Variants in SLC14A2 observed in about 807,000 individuals in gnomAD.
SLC14A2 encodes the protein solute carrier family 14 member 2.
SLC14A2 carries 91 observed loss-of-function variants against 104.6 expected under a neutral mutation model. That is an observed-to-expected ratio of 0.87 (90% CI 0.73 to 1.04). SLC14A2 has a LOEUF of 1.04. SLC14A2 is among the 50% of genes least tolerant of loss of function. The pLI is 0.00. For synonymous variants in SLC14A2, 476 were observed against 466.4 expected (o/e 1.02, Z -0.27); for missense variants, 1,189 against 1,156.0 (o/e 1.03, Z -0.41).
intron 2 of SLC14A2, among the ~76,000 whole-genome samples, chr18:45,531,365 T>A (rs1242998905): frequency 1.3e-5 from 2 of 152,152 alleles, no homozygotes; most frequent in African/African-American, 4.8e-5. Context: ...GCACCTGTTG[T>A]TTCCTGACTT....
intron 2 of SLC14A2, among the ~76,000 whole-genome samples, chr18:45,484,462 G>T (rs2087558673): frequency 6.6e-6 from 1 of 152,176 alleles, no homozygotes; most frequent in Non-Finnish European, 1.5e-5. Flanking sequence ...ACTTTTACTG[G>T]CATTCATATA....
intron 1 of SLC14A2, among the ~76,000 whole-genome samples, chr18:45,227,440 A>G (rs1409237752): frequency 3.9e-5 from 6 of 152,220 alleles, no homozygotes; most frequent in Non-Finnish European, 5.9e-5. Context: ...AAGGCTGGGA[A>G]GTCCAAGATC....
At position 45,669,318 on chromosome 18, in the gene SLC14A2, C is replaced by T; in HGVS notation, c.2049C>T (p.Ser683=). Residue 683 remains serine, a synonymous_variant, in exon 16 of 20, where the codon TCC becomes TCT. Transcript: ENST00000255226. ...CTTCTGCCATCAGCCCCATCCTCTC[C>T]AGTGCCCTGGGTACCATCTTCAGCA... ...IIMSMSCPIL[S]SALGTIFSKW... is the part of the protein sequence containing the mutation. 1.2e-6 allele frequency: 2 copies of T among 1,612,864 alleles called. No homozygotes were observed. The highest frequency in any genetic ancestry group is 1.7e-6 in the Non-Finnish European group (2 of 1,179,250).
At chr18:45,451,292 C>T (rs1031280576) in intron 1 of SLC14A2, among the ~76,000 whole-genome samples, 5 of 151,916 alleles carry the variant, frequency 3.3e-5, no homozygotes, top group African/African-American at 7.3e-5. Context: ...AGGGGGTTCT[C>T]GGGGAGCAAG....
the SLC14A2 span, among the ~76,000 whole-genome samples, chr18:45,202,227 T>C: frequency 1.3e-5 from 2 of 152,100 alleles, no homozygotes; most frequent in African/African-American, 4.8e-5. Flanking sequence ...GTGGTTGCTA[T>C]AGATATAGCA....
At chr18:45,524,366 C>T (rs1215194543) in intron 2 of SLC14A2, among the ~76,000 whole-genome samples, 2 of 152,190 alleles carry the variant, frequency 1.3e-5, no homozygotes, top group African/African-American at 4.8e-5. Flanking sequence ...GCACTGCATT[C>T]AACTCAGCTG....
chr18:45,223,171 G>A (rs2084079842), intron 1 of SLC14A2, among the ~76,000 whole-genome samples: 1 of 152,120 alleles, frequency 6.6e-6, no homozygotes, highest in Non-Finnish European at 1.5e-5. Context: ...TGCTTAGAGA[G>A]GTTCAGTGAC....
intron 1 of SLC14A2, among the ~76,000 whole-genome samples, chr18:45,366,804 A>C (rs1356698366): frequency 1.3e-5 from 2 of 152,260 alleles, no homozygotes; most frequent in African/African-American, 2.4e-5. Flanking sequence ...AAAAGCATTC[A>C]GGCTGCTGAT....
chr18:45,437,349 C>T (rs1342343540), intron 1 of SLC14A2, among the ~76,000 whole-genome samples: 2 of 105,076 alleles, frequency 1.9e-5, no homozygotes, highest in Admixed American at 2.5e-4. Context: ...TGGAAACCAG[C>T]CTCATAGAGA....
intron 1 of SLC14A2, among the ~76,000 whole-genome samples, chr18:45,444,935 C>A (rs763281005): frequency 4.6e-5 from 7 of 152,022 alleles, no homozygotes; most frequent in Non-Finnish European, 8.8e-5. Context: ...GATTTGATAG[C>A]CAGTATCTAA....
rs1478987814 is a variant in SLC14A2, at chr18:45,235,940, CAT to C, written c.-125+22754_-125+22755del. Among the ~76,000 whole-genome samples the C allele has an allele frequency of 3.6e-4, 24 of 66,566 alleles. 3 individuals are homozygous for C. Among genetic ancestry groups the C allele is most frequent in the East Asian group, 2.9e-3 (9 of 3,098 alleles). 43.7% of individuals were successfully genotyped at this position (66,566 alleles called of 152,430 possible). A position where few individuals can be genotyped will look rare whatever the true frequency, so the allele number is the denominator to read the frequency against. On this transcript the variant is annotated intron_variant, in intron 1 of 20. Coordinates refer to the SLC14A2 transcript ENST00000586448. The stretch of plus-strand genomic sequence containing the variant: ...ATATGTGTGTATATATGTATATATA[CAT>C]ATATGTGTGTATATATGTATATATA...
In SLC14A2 at chr18:45,235,796, CGTGT is replaced by C. The variant is rs1171773725; in HGVS notation, c.-125+22620_-125+22623del. On this transcript the variant is annotated intron_variant, in intron 1 of 20. Coordinates refer to the SLC14A2 transcript ENST00000586448. ...TGAGTAGCATTCCAATGTGTATGCG[CGTGT>C]GTGTGTGTGTGTGTATATATATATA... 2.2e-3 allele frequency among the ~76,000 whole-genome samples: 256 copies of C among 113,908 alleles called. 2 individuals are homozygous for C. Among genetic ancestry groups the C allele is most frequent in the East Asian group, 5.9e-3 (25 of 4,260 alleles). The allele number at this position is 113,908 out of a possible 152,430, so 74.7% of individuals were successfully genotyped here.
At position 45,214,931 on chromosome 18, in the gene SLC14A2, A is replaced by G. The variant is rs542709190; in HGVS notation, c.-125+1740A>G. Reference sequence around the variant, plus strand: ...CATGTCTTTAAAAAAAAAAAAAAAAAAAAAGAAAAGAAATAAAAGAAAAAA... The same window carrying G: ...CATGTCTTTAAAAAAAAAAAAAAAAGAAAAGAAAAGAAATAAAAGAAAAAA... On this transcript the variant is annotated intron_variant, in intron 1 of 20. Transcript: ENST00000586448. Among the ~76,000 whole-genome samples the G allele has an allele frequency of 2.0e-3, 297 of 150,478 alleles. 1 individual carries two copies. The highest frequency in any genetic ancestry group is 4.8e-3 in the Admixed American group (73 of 15,160).
intron 1 of SLC14A2, among the ~76,000 whole-genome samples, chr18:45,386,896 T>G (rs564153704): frequency 6.6e-6 from 1 of 152,370 alleles, no homozygotes; most frequent in Non-Finnish European, 1.5e-5. Context: ...ACCAGGCACA[T>G]GGTGAGCACA....
At chr18:45,527,224 G>T (rs192725586) in intron 2 of SLC14A2, among the ~76,000 whole-genome samples, 1 of 152,264 alleles carries the variant, frequency 6.6e-6, no homozygotes, top group African/African-American at 2.4e-5. Flanking sequence ...TGGGATGGCA[G>T]ATTTATCAAG....
chr18:45,667,843 A>C lies in SLC14A2; in HGVS notation c.1728A>C (p.Pro576=). 6.2e-7 allele frequency: 1 copy of C among 1,614,046 alleles called. No individual in the cohort carries two copies. Among genetic ancestry groups the C allele is most frequent in the Non-Finnish European group, 8.5e-7 (1 of 1,179,918 alleles). Residue 576 remains proline (P), a synonymous_variant, in exon 14 of 20, where the codon CCA becomes CCC. Coordinates refer to ENST00000255226, the MANE Select transcript of SLC14A2 (RefSeq NM_007163.4). ...ECGEGLKDKS[P]VFQFFDWVLR... is the part of the protein sequence containing the mutation. ...CCGGTTCCATTTCAGACAAGTCCCC[A>C]GTGTTCCAGTTCTTTGACTGGGTCC...
intron 1 of SLC14A2, among the ~76,000 whole-genome samples, chr18:45,388,162 G>A (rs1222177736): frequency 1.6e-4 from 22 of 138,666 alleles, no homozygotes; most frequent in Admixed American, 8.7e-4. Flanking sequence ...TGCAAGCTCC[G>A]CCTCCTGGGT....
intron 1 of SLC14A2, among the ~76,000 whole-genome samples, chr18:45,467,530 G>T (rs571355256): frequency 6.6e-6 from 1 of 152,248 alleles, no homozygotes; most frequent in African/African-American, 2.4e-5. Context: ...CTCTTCTCAG[G>T]CCAACCCAGC....
chr18:45,476,775 C>T (rs2087389309), intron 1 of SLC14A2, among the ~76,000 whole-genome samples: 2 of 152,160 alleles, frequency 1.3e-5, no homozygotes, highest in Non-Finnish European at 1.5e-5. Flanking sequence ...ATCGATTCGG[C>T]TATTGATACT....
Sources: gnomAD v4.1 joint callset for allele counts (sites outside exome capture counted in the v4.1 genomes callset) on GRCh38, gnomAD v4.1.1 for gene constraint, MANE v1.5 for transcripts, NCBI Gene and HGNC (gene_info 2026-07-23, HGNC 2026-07-21) for gene names.